Variants in CWC27 observed in about 807,000 individuals in gnomAD.
The protein encoded by CWC27 is spliceosome-associated protein CWC27 homolog.
Under a neutral mutation model 63.6 loss-of-function variants are expected in CWC27, and 47 were observed. The observed-to-expected ratio is 0.74, with a 90% CI of 0.58 to 0.94. The LOEUF (loss-of-function observed/expected upper bound fraction) is 0.94, where lower values mean the gene tolerates loss of function less well. CWC27 is among the 40% of genes least tolerant of loss of function. The pLI is 0.00. For synonymous variants in CWC27, 175 were observed against 179.8 expected, an observed-to-expected ratio of 0.97 and a Z score of 0.22; for missense variants, 495 against 554.3, an observed-to-expected ratio of 0.89 and a Z score of 1.07.
At chr5:64,770,507 A>G (rs1341629347) in intron 1 of CWC27, among the ~76,000 whole-genome samples, 2 of 152,176 alleles carry the variant, frequency 1.3e-5, no homozygotes, top group African/African-American at 2.4e-5. Context: ...TTTCTTATCT[A>G]CTTTCTATGA....
chr5:64,992,533 CT>C (rs36044216), intron 13 of CWC27, among the ~76,000 whole-genome samples: 32,225 of 146,842 alleles, frequency 0.22, 3,827 homozygotes, highest in South Asian at 0.36. Context: ...ACTTTCTACA[CT>C]TTTTTTTTTT....
chr5:64,932,906 ACTG>A (rs1748268574), intron 11 of CWC27, among the ~76,000 whole-genome samples: 1 of 152,184 alleles, frequency 6.6e-6, no homozygotes, highest in Non-Finnish European at 1.5e-5. Flanking sequence ...TCATCTATAC[ACTG>A]CTACTTAAGT....
intron 10 of CWC27, among the ~76,000 whole-genome samples, chr5:64,805,294 A>G (rs945268481): frequency 6.6e-6 from 1 of 151,454 alleles, no homozygotes; most frequent in African/African-American, 2.4e-5. Flanking sequence ...AGTCATCTTA[A>G]ATGTCTTTTT....
At chr5:65,015,406 C>G (rs149042912) in intron 13 of CWC27, among the ~76,000 whole-genome samples, 1 of 152,092 alleles carries the variant, frequency 6.6e-6, no homozygotes, top group Non-Finnish European at 1.5e-5. Context: ...TCATATCAAT[C>G]CAGGAGTATT....
intron 10 of CWC27, among the ~76,000 whole-genome samples, chr5:64,842,849 C>A (rs966597235): frequency 1.3e-5 from 2 of 151,178 alleles, no homozygotes; most frequent in African/African-American, 4.9e-5. Context: ...AATCCGCCCA[C>A]CCTCACCCTC....
At position 64,948,558 on chromosome 5, in the gene CWC27, G is replaced by A. The variant is rs1748640250; in HGVS notation, c.1043-23145G>A. ...AATATATTGCACCATGCTAGACCAA[G>A]AAGAAATCCATTAGACACTTACCTC... is the stretch of plus-strand genomic sequence containing the variant. On this transcript the variant is annotated intron_variant, in intron 11 of 13. Coordinates refer to ENST00000381070, the MANE Select transcript of CWC27 (RefSeq NM_005869.4). Among the ~76,000 whole-genome samples the A allele has an allele frequency of 9.2e-5, 14 of 151,902 alleles. No individual in the cohort carries two copies. The South Asian group carries it at 2.9e-3, about 32-fold the overall frequency.
chr5:64,795,388 G>T (rs145760754), intron 7 of CWC27, among the ~76,000 whole-genome samples: 1 of 152,186 alleles, frequency 6.6e-6, no homozygotes, highest in East Asian at 1.9e-4. Context: ...AAACTTAGTG[G>T]CATTAAGCCA....
intron 11 of CWC27, among the ~76,000 whole-genome samples, chr5:64,891,656 T>C (rs1358063119): frequency 6.6e-6 from 1 of 152,210 alleles, no homozygotes; most frequent in Non-Finnish European, 1.5e-5. Flanking sequence ...GAACCCTACA[T>C]TATAGGCATA....
At chr5:64,847,679 T>A (rs1746025944) in intron 10 of CWC27, among the ~76,000 whole-genome samples, 1 of 152,146 alleles carries the variant, frequency 6.6e-6, no homozygotes, top group Non-Finnish European at 1.5e-5. Flanking sequence ...TTAAGTATAT[T>A]TTCTGACCAC....
chr5:64,924,238 T>C (rs1277468486), intron 11 of CWC27, among the ~76,000 whole-genome samples: 1 of 152,210 alleles, frequency 6.6e-6, no homozygotes, highest in East Asian at 1.9e-4. Flanking sequence ...AACCTATTTC[T>C]TTATCTTGAA....
At chr5:65,015,491 A>G (rs1233347161) in intron 13 of CWC27, among the ~76,000 whole-genome samples, 1 of 152,202 alleles carries the variant, frequency 6.6e-6, no homozygotes, top group Non-Finnish European at 1.5e-5. Context: ...GCCAGCCCGT[A>G]AGCACTTGGA....
At chr5:64,791,277 A>G (rs1744071442) in intron 7 of CWC27, among the ~76,000 whole-genome samples, 1 of 152,182 alleles carries the variant, frequency 6.6e-6, no homozygotes, top group Non-Finnish European at 1.5e-5. Context: ...AATTTTTTCT[A>G]TTTGTAACAG....
rs781350954 is a variant in CWC27, at chr5:64,807,675, T to G, written c.938+3289T>G. On this transcript the variant is annotated intron_variant, in intron 10 of 13. Transcript: ENST00000381070. ...CACACAGGCATATACAAGCTGGTATTATTATGGATTTCTAGATTCCAGCCT... is the reference window on the plus strand; with the variant it reads ...CACACAGGCATATACAAGCTGGTATGATTATGGATTTCTAGATTCCAGCCT... The G allele has an allele frequency of 4.6e-5, 71 of 1,535,976 alleles. No homozygotes were observed. In the South Asian group the frequency reaches 8.3e-4, roughly 18 times the overall value.
intron 11 of CWC27, among the ~76,000 whole-genome samples, chr5:64,897,423 A>T (rs1236571968): frequency 6.6e-6 from 1 of 152,204 alleles, no homozygotes; most frequent in Non-Finnish European, 1.5e-5. Context: ...GGATGAGTTC[A>T]TGTCCTTTGC....
At chr5:64,886,562 A>T (rs1052490914) in intron 11 of CWC27, among the ~76,000 whole-genome samples, 1 of 152,150 alleles carries the variant, frequency 6.6e-6, no homozygotes, top group African/African-American at 2.4e-5. Context: ...AAGACTACAC[A>T]TTCTAATACA....
At chr5:64,968,980 A>G (rs1318537767) in intron 11 of CWC27, among the ~76,000 whole-genome samples, 1 of 152,206 alleles carries the variant, frequency 6.6e-6, no homozygotes, top group Non-Finnish European at 1.5e-5. Flanking sequence ...ATGCTTTATT[A>G]TATACTTAAA....
rs529322393 is a variant in CWC27, at chr5:64,978,824, C to T, written c.1256+1586C>T. Among the ~76,000 whole-genome samples, 83 of 152,072 alleles carry T rather than the reference C, an allele frequency of 5.5e-4. 1 individual carries two copies. Among genetic ancestry groups the T allele is most frequent in the African/African-American group, 2.0e-3 (81 of 41,490 alleles). On this transcript the variant is annotated intron_variant, in intron 13 of 13. Coordinates refer to ENST00000381070, the MANE Select transcript of CWC27 (RefSeq NM_005869.4). ...GTGTTTTGTAAGAGCAGTTTGATGC[C>T]CAATAAGTTTTTTTAACCTTTTTAT...
In CWC27 at chr5:64,873,879, A is replaced by G. The variant is rs115794694; in HGVS notation, c.939-11564A>G. Among the ~76,000 whole-genome samples the G allele has an allele frequency of 1.7e-3, 258 of 152,172 alleles. 1 individual carries two copies. Among genetic ancestry groups the G allele is most frequent in the African/African-American group, 5.9e-3 (246 of 41,534 alleles). The stretch of plus-strand genomic sequence containing the variant: ...TGTATATGGTTAGAGATAGGGGTCT[A>G]GTTTTATTCTTCTGCATGTTTTCTC... On this transcript the variant is annotated intron_variant, in intron 10 of 13. Coordinates refer to ENST00000381070, the MANE Select transcript of CWC27 (RefSeq NM_005869.4).
chr5:64,918,717 A>G (rs766692046), intron 11 of CWC27, among the ~76,000 whole-genome samples: 2 of 152,074 alleles, frequency 1.3e-5, no homozygotes, highest in Non-Finnish European at 2.9e-5. Context: ...ATGTAATGCA[A>G]TCTTAGCTTG....
Sources: allele counts gnomAD v4.1 joint callset (sites outside exome capture counted in the v4.1 genomes callset), GRCh38; gene constraint gnomAD v4.1.1; transcripts MANE v1.5; gene names NCBI Gene and HGNC (gene_info 2026-07-23, HGNC 2026-07-21).